The following HSF5 variants were observed in gnomAD, a reference collection of about 807,000 sequenced individuals.
HSF5 encodes heat shock factor protein 5.
Under a neutral mutation model 50.8 loss-of-function variants are expected in HSF5, and 5 were observed. The observed-to-expected ratio is 0.10, with a 90% CI of 0.05 to 0.21. The LOEUF is 0.21. Among genes scored for constraint, HSF5 ranks in the 10% least tolerant of loss-of-function variants. HSF5 has a pLI of 1.00. For synonymous variants in HSF5, 307 were observed against 307.4 expected (o/e 1.00, Z 0.02); for missense variants, 564 against 762.6 (o/e 0.74, Z 3.07).
intron 5 of HSF5, among the ~76,000 whole-genome samples, chr17:58,435,148 C>T (rs1239006611): frequency 2.0e-5 from 3 of 152,088 alleles, no homozygotes; most frequent in Non-Finnish European, 2.9e-5. Context: ...GTGTTGGAAA[C>T]GGAGCAGAGA....
intron 2 of HSF5, among the ~76,000 whole-genome samples, chr17:58,477,876 G>A (rs1162918743): frequency 6.6e-6 from 1 of 151,582 alleles, no homozygotes; most frequent in Admixed American, 6.6e-5. Context: ...GGGAGAAATG[G>A]TCTAACAAAA....
chr17:58,425,478 T>G (rs1183322642), intron 5 of HSF5, among the ~76,000 whole-genome samples: 1 of 144,082 alleles, frequency 6.9e-6, no homozygotes, highest in African/African-American at 2.6e-5. Context: ...CCTGGGAGGC[T>G]GAAGCAGGAG....
intron 5 of HSF5, among the ~76,000 whole-genome samples, chr17:58,454,863 C>T (rs969785841): frequency 6.6e-6 from 1 of 152,076 alleles, no homozygotes; most frequent in African/African-American, 2.4e-5. Context: ...ATCGCATGTG[C>T]ATGGATTGGA....
At chr17:58,425,575 CAAA>C (rs66502039) in intron 5 of HSF5, among the ~76,000 whole-genome samples, 40 of 32,984 alleles carry the variant, frequency 1.2e-3, no homozygotes, top group African/African-American at 5.6e-3. Flanking sequence ...ACCTCTATCT[CAAA>C]AAAAAAAAAA....
At chr17:58,435,617 G>C (rs1187501351) in intron 5 of HSF5, among the ~76,000 whole-genome samples, 1 of 149,746 alleles carries the variant, frequency 6.7e-6, no homozygotes, top group Non-Finnish European at 1.5e-5. Flanking sequence ...ATAAACATAA[G>C]AACAGTAAAT....
At chr17:58,436,779 T>C (rs115308481) in intron 5 of HSF5, among the ~76,000 whole-genome samples, 62 of 152,000 alleles carry the variant, frequency 4.1e-4, no homozygotes, top group African/African-American at 1.5e-3. Flanking sequence ...TAACCTTCTT[T>C]GCCTAAGTAA....
At chr17:58,445,662 T>C (rs1260593605) in intron 5 of HSF5, among the ~76,000 whole-genome samples, 2 of 152,092 alleles carry the variant, frequency 1.3e-5, no homozygotes, top group African/African-American at 4.8e-5. Context: ...TTATATGAGG[T>C]ACCTGGAATA....
At chr17:58,476,517 A>G (rs1975013875) in intron 2 of HSF5, 2 of 1,257,704 alleles carry the variant, frequency 1.6e-6, no homozygotes, top group Non-Finnish European at 2.3e-6. Flanking sequence ...TCTTATTCAG[A>G]TGAAATTCTT....
At chr17:58,466,817 GA>G in intron 3 of HSF5, 67 bp downstream of exon 3, 2 of 920,528 alleles carry the variant, frequency 2.2e-6, no homozygotes, top group Non-Finnish European at 3.6e-6. Flanking sequence ...ATTACACTTT[GA>G]AATTTTGCAA....
Position 58,488,144 on chromosome 17 carries a change from G to T in HSF5, c.131C>A (p.Pro44Gln). ...GRGEGLLIDQ[P>Q]LFEAELLSPP... ...GCTGAGCAGCTCGGCCTCGAAGAGC[G>T]GCTGATCGATAAGCAGCCCCTCGCC... Residue 44 changes from proline to glutamine, a missense_variant, in exon 1 of 6, where the codon CCG becomes CAG. By Grantham distance (76) the Pro-to-Gln change is moderately conservative. Coordinates refer to ENST00000323777, the MANE Select transcript of HSF5 (RefSeq NM_001080439.3). This position sits in a 1 kb window ranked among gnomAD's most constrained non-coding sequence, Gnocchi z 4.1. The T allele has an allele frequency of 1.3e-6, 2 of 1,552,910 alleles. No homozygotes were observed. The highest frequency in any genetic ancestry group is 2.3e-5 in the South Asian group (2 of 86,344).
At chr17:58,423,931 C>T (rs1378105976) in intron 5 of HSF5, among the ~76,000 whole-genome samples, 1 of 152,226 alleles carries the variant, frequency 6.6e-6, no homozygotes. Flanking sequence ...GATTGATCCA[C>T]AGCCCGAGCA....
chr17:58,442,075 C>T (rs1974505807), intron 5 of HSF5, among the ~76,000 whole-genome samples: 1 of 152,182 alleles, frequency 6.6e-6, no homozygotes. Flanking sequence ...GGGTCTTTGG[C>T]ATTGTCTCTC....
chr17:58,449,234 A>C (rs1458574558), intron 5 of HSF5, among the ~76,000 whole-genome samples: 2 of 152,248 alleles, frequency 1.3e-5, no homozygotes, highest in African/African-American at 2.4e-5. Context: ...AAGGAGTTAC[A>C]AAACAACCAG....
chr17:58,441,094 T>C (rs905211498), intron 5 of HSF5, among the ~76,000 whole-genome samples: 3 of 152,134 alleles, frequency 2.0e-5, no homozygotes, highest in Non-Finnish European at 2.9e-5. Context: ...AGATAGACCA[T>C]ACACTGGGCC....
At chr17:58,456,681 C>G (rs1264066956) in intron 5 of HSF5, among the ~76,000 whole-genome samples, 1 of 151,808 alleles carries the variant, frequency 6.6e-6, no homozygotes, top group Non-Finnish European at 1.5e-5. Context: ...TAAATATGTA[C>G]AATTATATTT....
At chr17:58,464,144 C>G (rs1974831458) in intron 3 of HSF5, among the ~76,000 whole-genome samples, 1 of 152,200 alleles carries the variant, frequency 6.6e-6, no homozygotes, top group African/African-American at 2.4e-5. Context: ...TAAACACAAT[C>G]ATTAACAAAG....
chr17:58,440,095 T>C (rs1262361532), intron 5 of HSF5, among the ~76,000 whole-genome samples: 2 of 152,104 alleles, frequency 1.3e-5, no homozygotes, highest in Non-Finnish European at 2.9e-5. Context: ...CAATATTCTT[T>C]AAAAGTCTCA....
At position 58,434,713 on chromosome 17, in the gene HSF5, G is replaced by T. The variant is rs538573346; in HGVS notation, c.1721-12283C>A. ...TATAAAAATTAAAAAAATTAGCTGG[G>T]CATGGTGGCATGAGCCTGTGGTCCC... On this transcript the variant is annotated intron_variant, in intron 5 of 5. Coordinates refer to ENST00000323777, the MANE Select transcript of HSF5 (RefSeq NM_001080439.3). Among the ~76,000 whole-genome samples, 7 of 152,212 alleles carry T rather than the reference G, an allele frequency of 4.6e-5. No homozygotes were observed. The South Asian group carries it at 1.4e-3, about 32-fold the overall frequency.
chr17:58,431,818 C>T (rs1162006942), intron 5 of HSF5, among the ~76,000 whole-genome samples: 2 of 152,088 alleles, frequency 1.3e-5, no homozygotes, highest in African/African-American at 4.8e-5. Context: ...GTTTGACTTC[C>T]CAAATATTCA....
Sources: gnomAD v4.1 joint callset for allele counts (sites outside exome capture counted in the v4.1 genomes callset) on GRCh38, gnomAD v4.1.1 for gene constraint, Gnocchi (gnomAD v3.1) non-coding constraint, MANE v1.5 for transcripts, NCBI Gene and HGNC (gene_info 2026-07-23, HGNC 2026-07-21) for gene names.